The following MAPKAPK2 variants were observed in gnomAD, a reference collection of about 807,000 sequenced individuals.
MAPKAPK2 encodes MAP kinase-activated protein kinase 2.
In MAPKAPK2, 9 loss-of-function variants were observed where a neutral mutation model predicts 48.8. The observed-to-expected ratio is 0.18, with a 90% CI of 0.11 to 0.32. The LOEUF is 0.32. Among genes scored for constraint, MAPKAPK2 ranks in the 10% least tolerant of loss-of-function variants. MAPKAPK2 has a pLI of 1.00. For missense variants in MAPKAPK2, 331 were observed against 498.3 expected, an observed-to-expected ratio of 0.66 and a Z score of 3.20; for synonymous variants, 202 against 190.6, an observed-to-expected ratio of 1.06 and a Z score of -0.49.
At chr1:206,724,061 G>A (rs1673630937) in intron 1 of MAPKAPK2, among the ~76,000 whole-genome samples, 1 of 152,234 alleles carries the variant, frequency 6.6e-6, no homozygotes, top group South Asian at 2.1e-4. Flanking sequence ...AATTCCTCCA[G>A]GCATTCTTTG....
chr1:206,698,019 A>G (rs533091928), intron 1 of MAPKAPK2, among the ~76,000 whole-genome samples: 144 of 152,364 alleles, frequency 9.5e-4, no homozygotes, highest in Admixed American at 2.8e-3. Context: ...TGCTGGGAAA[A>G]TAACCTGATG....
intron 1 of MAPKAPK2, among the ~76,000 whole-genome samples, chr1:206,719,092 T>A (rs1673433608): frequency 6.6e-6 from 1 of 152,256 alleles, no homozygotes; most frequent in Non-Finnish European, 1.5e-5. Flanking sequence ...TGCTTTGAAC[T>A]GCCTGTTCTT....
At chr1:206,692,722 C>T (rs1403217892) in intron 1 of MAPKAPK2, among the ~76,000 whole-genome samples, 1 of 152,216 alleles carries the variant, frequency 6.6e-6, no homozygotes, top group Non-Finnish European at 1.5e-5. Context: ...GCTGTGCGCT[C>T]ATTCTGCTGG....
chr1:206,732,946 C>T lies in MAPKAPK2; in HGVS notation c.*228C>T, dbSNP rs1553433003. On this transcript the variant is annotated 3_prime_UTR_variant, in exon 10 of 10. Coordinates refer to ENST00000367103, the MANE Select transcript of MAPKAPK2 (RefSeq NM_032960.4). This position sits in a 1 kb window ranked among gnomAD's most constrained non-coding sequence, Gnocchi z 4.4. Reference sequence around the variant, plus strand: ...GAGAAGTGAGCAAGGTGCTCTTGAACCTGTGCTCATTTTGCAATTTTATCA... The same window carrying T: ...GAGAAGTGAGCAAGGTGCTCTTGAATCTGTGCTCATTTTGCAATTTTATCA... The T allele has an allele frequency of 2.0e-6, 1 of 502,670 alleles. No homozygotes were observed. The highest frequency in any genetic ancestry group is 3.5e-6 in the Non-Finnish European group (1 of 287,370). The allele number at this position is 502,670 out of a possible 1,614,324, so 31.1% of individuals were successfully genotyped here. A position where few individuals can be genotyped will look rare whatever the true frequency, so the allele number is the denominator to read the frequency against.
chr1:206,698,532 C>G (rs1390276904), intron 1 of MAPKAPK2, among the ~76,000 whole-genome samples: 1 of 152,202 alleles, frequency 6.6e-6, no homozygotes, highest in Non-Finnish European at 1.5e-5. Flanking sequence ...TAACAAATTT[C>G]TATTATTCAG....
At chr1:206,730,620 C>A in intron 5 of MAPKAPK2, 68 bp from the exon 6 acceptor site, 1 of 1,371,296 alleles carries the variant, frequency 7.3e-7, no homozygotes, top group Non-Finnish European at 1.0e-6. Flanking sequence ...GAGCATCTTT[C>A]ACAGAGAAAC....
chr1:206,685,599 CGCGGGGCGGAGGGGTGGCCGCGGCGGG>C lies in MAPKAPK2; in HGVS notation c.279+101_279+127del, dbSNP rs1672264877. 7.1e-6 allele frequency: 8 copies of C among 1,126,186 alleles called. No individual in the cohort carries two copies. The South Asian group carries it at 1.8e-4, about 26-fold the overall frequency. The allele number at this position is 1,126,186 out of a possible 1,614,324, so 69.8% of individuals were successfully genotyped here. A position where few individuals can be genotyped will look rare whatever the true frequency, so the allele number is the denominator to read the frequency against. ...GTGCCCGTCCCGGCCTGGGTCGCGG[CGCGGGGCGGAGGGGTGGCCGCGGCGGG>C]GCGGGGCGGGGCGGCCGGGCCGGCG... On this transcript the variant is annotated intron_variant, in intron 1 of 9. Coordinates refer to ENST00000367103, the MANE Select transcript of MAPKAPK2 (RefSeq NM_032960.4).
intron 1 of MAPKAPK2, among the ~76,000 whole-genome samples, chr1:206,702,202 T>C (rs781895356): frequency 2.6e-5 from 4 of 152,224 alleles, no homozygotes; most frequent in Non-Finnish European, 4.4e-5. Context: ...TTTCGAATCT[T>C]GAGATTTGGT....
intron 1 of MAPKAPK2, among the ~76,000 whole-genome samples, chr1:206,686,892 T>C (rs947597843): frequency 1.3e-5 from 2 of 152,238 alleles, no homozygotes; most frequent in Non-Finnish European, 2.9e-5. Flanking sequence ...GGTTGTTGTT[T>C]AGTGTTGACT....
intron 1 of MAPKAPK2, among the ~76,000 whole-genome samples, chr1:206,708,558 A>G (rs1460362171): frequency 6.6e-6 from 1 of 152,188 alleles, no homozygotes; most frequent in Non-Finnish European, 1.5e-5. Flanking sequence ...TTACCCCTAA[A>G]CATCTCAGCA....
chr1:206,728,738 G>A lies in MAPKAPK2; in HGVS notation c.308G>A (p.Arg103Lys). The change falls in exon 2 of 10, where the codon AGG becomes AAG. Residue 103 changes from arginine (R) to lysine (K), a missense_variant. By Grantham distance (26) the Arg-to-Lys change is conservative. This residue lies in a region of MAPKAPK2 where 111 missense variants were observed against 193.6 expected (regional missense o/e 0.57). Coordinates refer to ENST00000367103, the MANE Select transcript of MAPKAPK2 (RefSeq NM_032960.4). The part of the protein sequence containing the change: ...KMLQDCPKAR[R>K]EVELHWRASQ... ...CTTCAGGACTGCCCCAAGGCCCGCA[G>A]GGAGGTGGAGCTGCACTGGCGGGCC... is the stretch of plus-strand genomic sequence containing the variant. 1 of 1,614,180 alleles carries A rather than the reference G, an allele frequency of 6.2e-7. No individual in the cohort carries two copies. Among genetic ancestry groups the A allele is most frequent in the Non-Finnish European group, 8.5e-7 (1 of 1,180,030 alleles).
Position 206,728,848 on chromosome 1 carries a change from T to A in MAPKAPK2, c.418T>A (p.Cys140Ser), listed in dbSNP as rs1553432226. The part of the protein sequence containing the change: ...GRKCLLIVME[C>S]LDGGELFSRI... ...GAAGTGCCTGCTGATTGTCATGGAA[T>A]GGTAAGCAGCCACTGTTCTAGTCCC... Residue 140 changes from cysteine (C) to serine (S), a missense_variant and splice_region_variant, in exon 2 of 10, where the codon TGT (cysteine) becomes AGT (serine). Around this residue, in one of 4 missense-constraint regions of MAPKAPK2, gnomAD observed 111 missense variants for 193.6 expected, o/e 0.57. Transcript: ENST00000367103. 6.2e-7 allele frequency: 1 copy of A among 1,614,032 alleles called. No homozygotes were observed. Among genetic ancestry groups the A allele is most frequent in the Non-Finnish European group, 8.5e-7 (1 of 1,179,948 alleles).
intron 1 of MAPKAPK2, among the ~76,000 whole-genome samples, chr1:206,710,720 C>A (rs782540194): frequency 3.3e-5 from 5 of 152,212 alleles, no homozygotes; most frequent in Non-Finnish European, 7.3e-5. Context: ...TATTTCACAA[C>A]ATCGAAAGTG....
intron 3 of MAPKAPK2, 102 bp downstream of exon 3, chr1:206,729,201 G>A: frequency 1.5e-6 from 2 of 1,301,564 alleles, no homozygotes; most frequent in Non-Finnish European, 2.2e-6. Flanking sequence ...TGCTGAGGCT[G>A]CTGCCCCCTC....
Position 206,732,256 on chromosome 1 carries a change from G to T in MAPKAPK2, c.1060-319G>T. ...AGGGCAGTCTGCTCAAGGTCACGCA[G>T]CTGGTGACTGGTTGGGGCAGACCGG... On this transcript the variant is annotated intron_variant, in intron 9 of 9. Coordinates refer to ENST00000367103, the MANE Select transcript of MAPKAPK2 (RefSeq NM_032960.4). This position sits in a 1 kb window ranked among gnomAD's most constrained non-coding sequence, Gnocchi z 4.4. 5 of 1,478,908 alleles carry T rather than the reference G, an allele frequency of 3.4e-6. No homozygotes were observed. Among genetic ancestry groups the T allele is most frequent in the Non-Finnish European group, 4.5e-6 (5 of 1,112,050 alleles). The allele number at this position is 1,478,908 out of a possible 1,614,324, so 91.6% of individuals were successfully genotyped here.
intron 1 of MAPKAPK2, chr1:206,696,205 G>A (rs930154241): frequency 1.3e-6 from 2 of 1,483,140 alleles, no homozygotes; most frequent in Non-Finnish European, 1.9e-6. Flanking sequence ...CTCTCCTTCA[G>A]CCACCTGAGG....
intron 1 of MAPKAPK2, among the ~76,000 whole-genome samples, chr1:206,721,715 A>C (rs927029370): frequency 6.6e-6 from 1 of 152,224 alleles, no homozygotes; most frequent in Non-Finnish European, 1.5e-5. Flanking sequence ...TCATTTATAA[A>C]ATAGGATGTT....
At chr1:206,726,355 C>T (rs1377697687) in intron 1 of MAPKAPK2, among the ~76,000 whole-genome samples, 9 of 152,252 alleles carry the variant, frequency 5.9e-5, no homozygotes, top group African/African-American at 2.2e-4. Flanking sequence ...CCACTGCACT[C>T]CAGCCTGGGC....
In MAPKAPK2 at chr1:206,732,646, T is replaced by C. The variant is rs1553432916; in HGVS notation, c.1131T>C (p.Asp377=). Residue 377 remains aspartate (D), a synonymous_variant, in exon 10 of 10, where the codon GAT becomes GAC. Coordinates refer to ENST00000367103, the MANE Select transcript of MAPKAPK2 (RefSeq NM_032960.4). This position sits in a 1 kb window ranked among gnomAD's most constrained non-coding sequence, Gnocchi z 4.4. ...AGATCAAGATAAAAAAGATTGAAGA[T>C]GCATCCAACCCTCTGCTGCTGAAGA... is the stretch of plus-strand genomic sequence containing the variant. The part of the protein sequence containing the change: ...YEQIKIKKIE[D]ASNPLLLKRR... 9 of 1,614,076 alleles carry C rather than the reference T, an allele frequency of 5.6e-6. No homozygotes were observed. Among genetic ancestry groups the C allele is most frequent in the Non-Finnish European group, 5.9e-6 (7 of 1,180,056 alleles).
Sources: allele counts gnomAD v4.1 joint callset (sites outside exome capture counted in the v4.1 genomes callset), GRCh38; gene constraint gnomAD v4.1.1; regional missense constraint gnomAD v4.1.1; non-coding constraint Gnocchi (gnomAD v3.1); transcripts MANE v1.5; gene names NCBI Gene and HGNC (gene_info 2026-07-23, HGNC 2026-07-21).